The following GJB3 variants were observed in gnomAD, a reference collection of about 807,000 sequenced individuals.
GJB3 encodes gap junction protein beta 3.
A neutral mutation model predicts 8.1 loss-of-function variants in GJB3; 6 were observed. The ratio of observed to expected loss-of-function variants is 0.75; its 90% CI spans 0.41 to 1.47. The LOEUF (loss-of-function observed/expected upper bound fraction) is 1.47, where lower values mean the gene tolerates loss of function less well. GJB3 is among the 40% of genes most tolerant of loss of function. GJB3 has a pLI of 0.02. For missense variants in GJB3, 348 were observed against 365.6 expected, an observed-to-expected ratio of 0.95 and a Z score of 0.39; for synonymous variants, 137 against 156.4, an observed-to-expected ratio of 0.88 and a Z score of 0.93.
At chr1:34,784,590 G>C in intron 1 of GJB3, 148 bp from the exon 2 acceptor site, 1 of 655,378 alleles carries the variant, frequency 1.5e-6, no homozygotes, top group Non-Finnish European at 2.8e-6. Flanking sequence ...TTTCCTATCT[G>C]CAGCTTGGGA....
chr1:34,784,785 C>T lies in GJB3; in HGVS notation c.23C>T (p.Ala8Val), dbSNP rs763984239. Reference protein sequence around the residue: MDWKTLQALLSGVNKYST... With the variant: MDWKTLQVLLSGVNKYST... The stretch of plus-strand genomic sequence containing the variant: ...GCCATGGACTGGAAGACACTCCAGG[C>T]CCTACTGAGCGGTGTGAACAAGTAC... Residue 8 changes from alanine to valine, a missense_variant, in exon 2 of 2, where the codon GCC becomes GTC. Transcript: ENST00000373366. 1 of 1,613,864 alleles carries T rather than the reference C, an allele frequency of 6.2e-7. No homozygotes were observed. Among genetic ancestry groups the T allele is most frequent in the Non-Finnish European group, 8.5e-7 (1 of 1,179,878 alleles).
chr1:34,785,006 A>G lies in GJB3; in HGVS notation c.244A>G (p.Ile82Val). The G allele has an allele frequency of 6.2e-7, 1 of 1,614,140 alleles. No individual in the cohort carries two copies. The highest frequency in any genetic ancestry group is 8.5e-7 in the Non-Finnish European group (1 of 1,180,018). ...SNIRLWALQL[I>V]FVTCPSLLVI... ...CATCCGCCTCTGGGCCCTGCAGCTC[A>G]TCTTCGTCACATGCCCCTCGCTGCT... Residue 82 changes from isoleucine (I) to valine (V), a missense_variant, in exon 2 of 2, where the codon ATC becomes GTC. By Grantham distance (29) the Ile-to-Val change is conservative. Coordinates refer to ENST00000373366, the MANE Select transcript of GJB3 (RefSeq NM_024009.3). This position sits in a 1 kb window ranked among gnomAD's most constrained non-coding sequence, Gnocchi z 4.7.
At chr1:34,782,303 G>A (rs890807405) in intron 1 of GJB3, 1 of 152,188 alleles carries the variant, frequency 6.6e-6, no homozygotes, top group African/African-American at 2.4e-5. Flanking sequence ...GTAGAAGATG[G>A]GGGCCCAGGA....
rs1391899859 is a variant in GJB3, at chr1:34,781,939, T to A, written c.-26+161T>A. Among the ~76,000 whole-genome samples, 1 of 152,032 alleles carries A rather than the reference T, an allele frequency of 6.6e-6. No homozygotes were observed. Among genetic ancestry groups the A allele is most frequent in the Non-Finnish European group, 1.5e-5 (1 of 67,988 alleles). On this transcript the variant is annotated intron_variant, in intron 1 of 1. Transcript: ENST00000373366. The surrounding 1 kb of genome is among the most constrained non-coding windows in gnomAD (Gnocchi z 6.2). ...GAGCCCGCCACCCCGTACCTCTCAATCCTCCCTCTCGCCTCTCAATTCTGG... is the reference window on the plus strand; with the variant it reads ...GAGCCCGCCACCCCGTACCTCTCAAACCTCCCTCTCGCCTCTCAATTCTGG...
chr1:34,785,641 G>C lies in GJB3; in HGVS notation c.*66G>C, dbSNP rs957071205. 34 of 1,322,986 alleles carry C rather than the reference G, an allele frequency of 2.6e-5. No individual in the cohort carries two copies. Among genetic ancestry groups the C allele is most frequent in the Non-Finnish European group, 3.4e-5 (31 of 923,656 alleles). 82.0% of individuals were successfully genotyped at this position (1,322,986 alleles called of 1,614,324 possible). On this transcript the variant is annotated 3_prime_UTR_variant, in exon 2 of 2. Transcript: ENST00000373366. This position sits in a 1 kb window ranked among gnomAD's most constrained non-coding sequence, Gnocchi z 4.7. Reference sequence around the variant, plus strand: ...GACATGCAGGGCGGTGTGGCAGGTGGAGAGGTCCTACAGGGGCTGAGTGAC... The same window carrying C: ...GACATGCAGGGCGGTGTGGCAGGTGCAGAGGTCCTACAGGGGCTGAGTGAC...
At position 34,785,476 on chromosome 1, in the gene GJB3, C is replaced by T. The variant is rs1371092381; in HGVS notation, c.714C>T (p.Thr238=). The change falls in exon 2 of 2, where the codon ACC becomes ACT. Residue 238 remains threonine (T), a synonymous_variant. Coordinates refer to ENST00000373366, the MANE Select transcript of GJB3 (RefSeq NM_024009.3). This position sits in a 1 kb window ranked among gnomAD's most constrained non-coding sequence, Gnocchi z 4.7. ...SPSSSASRAS[T]CRCHHKLVEA... ...CGTCCTCCGCCAGCCGAGCTTCCAC[C>T]TGCCGCTGCCACCACAAGCTGGTGG... 1 of 1,614,044 alleles carries T rather than the reference C, an allele frequency of 6.2e-7. No homozygotes were observed. Among genetic ancestry groups the T allele is most frequent in the African/African-American group, 1.3e-5 (1 of 75,060 alleles).
Position 34,785,340 on chromosome 1 carries a change from G to T in GJB3, c.578G>T (p.Gly193Val). Residue 193 changes from glycine (G) to valine (V), a missense_variant, in exon 2 of 2, where the codon GGC becomes GTC. Physicochemically the swap from Gly to Val is moderately radical, Grantham distance 109. Coordinates refer to ENST00000373366, the MANE Select transcript of GJB3 (RefSeq NM_024009.3). This position sits in a 1 kb window ranked among gnomAD's most constrained non-coding sequence, Gnocchi z 4.7. ...AAAATCTTCACCTACTTCATGGTGGGCGCCTCCGCCGTCTGCATCGTACTC... is the reference window on the plus strand; with the variant it reads ...AAAATCTTCACCTACTTCATGGTGGTCGCCTCCGCCGTCTGCATCGTACTC... ...EKKIFTYFMVGASAVCIVLTI... is the reference protein window; with the variant it reads ...EKKIFTYFMVVASAVCIVLTI... 1 of 1,613,414 alleles carries T rather than the reference G, an allele frequency of 6.2e-7. No individual in the cohort carries two copies. Among genetic ancestry groups the T allele is most frequent in the Non-Finnish European group, 8.5e-7 (1 of 1,179,784 alleles).
chr1:34,783,139 G>A (rs137911581), intron 1 of GJB3, among the ~76,000 whole-genome samples: 98 of 152,234 alleles, frequency 6.4e-4, no homozygotes, highest in African/African-American at 2.1e-3. Context: ...TCCCAGCTAC[G>A]TGGGAGGCTG....
chr1:34,784,587 T>C (rs944253352), intron 1 of GJB3, among the ~76,000 whole-genome samples, 151 bp from the exon 2 acceptor site: 1 of 152,200 alleles, frequency 6.6e-6, no homozygotes, highest in Admixed American at 6.5e-5. Context: ...CAGTTTCCTA[T>C]CTGCAGCTTG....
At chr1:34,784,084 CT>C (rs1232199024) in intron 1 of GJB3, among the ~76,000 whole-genome samples, 1 of 152,184 alleles carries the variant, frequency 6.6e-6, no homozygotes, top group Non-Finnish European at 1.5e-5. Flanking sequence ...CTCAGTTTCC[CT>C]GCTGTAGAAT....
intron 1 of GJB3, among the ~76,000 whole-genome samples, chr1:34,783,049 T>C (rs1440803478): frequency 6.6e-6 from 1 of 152,138 alleles, no homozygotes; most frequent in Non-Finnish European, 1.5e-5. Context: ...AATTCTTTAA[T>C]TTCAGATAGT....
chr1:34,783,159 G>A (rs1220737100), intron 1 of GJB3, among the ~76,000 whole-genome samples: 1 of 152,114 alleles, frequency 6.6e-6, no homozygotes, highest in African/African-American at 2.4e-5. Context: ...GAGGTAGGAG[G>A]CTCCCTTGAG....
chr1:34,782,597 G>C (rs1640029157), intron 1 of GJB3, among the ~76,000 whole-genome samples: 1 of 152,130 alleles, frequency 6.6e-6, no homozygotes, highest in African/African-American at 2.4e-5. Context: ...AATCCAGGTG[G>C]AACTCCGTGT....
chr1:34,783,712 C>A (rs139404997), intron 1 of GJB3, among the ~76,000 whole-genome samples: 2 of 152,168 alleles, frequency 1.3e-5, no homozygotes, highest in Non-Finnish European at 2.9e-5. Flanking sequence ...CACACACACA[C>A]GTGGACAGGC....
chr1:34,782,031 A>G (rs751504818), intron 1 of GJB3, among the ~76,000 whole-genome samples: 2 of 152,310 alleles, frequency 1.3e-5, no homozygotes, highest in Non-Finnish European at 2.9e-5. Context: ...CAAGCTCCCA[A>G]GCTGCCTAGG....
At chr1:34,784,340 T>C (rs959941890) in intron 1 of GJB3, among the ~76,000 whole-genome samples, 1 of 152,226 alleles carries the variant, frequency 6.6e-6, no homozygotes, top group Non-Finnish European at 1.5e-5. Context: ...TACTACTTGC[T>C]TTGCAATCGT....
chr1:34,783,843 C>G (rs1363576414), intron 1 of GJB3, among the ~76,000 whole-genome samples: 2 of 152,188 alleles, frequency 1.3e-5, no homozygotes, highest in Non-Finnish European at 2.9e-5. Flanking sequence ...AAGGCCTGAA[C>G]AAAGCACATC....
rs1640099289 is a variant in GJB3, at chr1:34,785,526, C to G, written c.764C>G (p.Pro255Arg). ...LVEAGEVDPD[P>R]GNNKLQASAP... ...GAGGCTGGGGAGGTGGATCCAGACC[C>G]AGGCAATAACAAGCTGCAGGCTTCA... Residue 255 changes from proline to arginine, a missense_variant, in exon 2 of 2, where the codon CCA becomes CGA. Transcript: ENST00000373366. The surrounding 1 kb of genome is among the most constrained non-coding windows in gnomAD (Gnocchi z 4.7). The G allele has an allele frequency of 1.2e-6, 2 of 1,614,118 alleles. No homozygotes were observed. The highest frequency in any genetic ancestry group is 1.7e-6 in the Non-Finnish European group (2 of 1,180,030).
chr1:34,781,450 G>C lies in GJB3; in HGVS notation c.-354G>C, dbSNP rs1188600475. 6.6e-6 allele frequency: 1 copy of C among 152,264 alleles called. No individual in the cohort carries two copies. Among genetic ancestry groups the C allele is most frequent in the Non-Finnish European group, 1.5e-5 (1 of 68,080 alleles). The allele number at this position is 152,264 out of a possible 1,614,324, so 9.4% of individuals were successfully genotyped here. Reference sequence around the variant, plus strand: ...AGTCCTGATTGCAGTCGGACCTGCCGCCGCGGCACTTAACAGTTTGCAGAG... The same window carrying C: ...AGTCCTGATTGCAGTCGGACCTGCCCCCGCGGCACTTAACAGTTTGCAGAG... On this transcript the variant is annotated 5_prime_UTR_variant, in exon 1 of 2. Coordinates refer to ENST00000373366, the MANE Select transcript of GJB3 (RefSeq NM_024009.3). This position sits in a 1 kb window ranked among gnomAD's most constrained non-coding sequence, Gnocchi z 6.2.
Sources: gnomAD v4.1 joint callset for allele counts (sites outside exome capture counted in the v4.1 genomes callset) on GRCh38, gnomAD v4.1.1 for gene constraint, Gnocchi (gnomAD v3.1) non-coding constraint, MANE v1.5 for transcripts, NCBI Gene and HGNC (gene_info 2026-07-23, HGNC 2026-07-21) for gene names.